The following PRKN variants were observed in gnomAD, a reference collection of about 807,000 sequenced individuals.
PRKN encodes parkin RBR E3 ubiquitin protein ligase, also known as E3 ubiquitin-protein ligase parkin.
In PRKN, 56 loss-of-function variants were observed where a neutral mutation model predicts 59.5. The ratio of observed to expected loss-of-function variants is 0.94; its 90% CI spans 0.76 to 1.18. The LOEUF is 1.18. Ranked by LOEUF, PRKN falls within the 50% of genes most tolerant of loss-of-function variation. The pLI is 0.00. For missense variants in PRKN, 657 were observed against 596.4 expected, an observed-to-expected ratio of 1.10 and a Z score of -1.06; for synonymous variants, 250 against 222.1, an observed-to-expected ratio of 1.13 and a Z score of -1.12.
rs373831674 is a variant in PRKN, at chr6:162,310,463, GA to G, written c.172-47699del. 9.1e-4 allele frequency among the ~76,000 whole-genome samples: 138 copies of G among 152,236 alleles called. 1 individual carries two copies. The East Asian group carries it at 0.018, about 20-fold the overall frequency. ...GAGGAAAGCAGGCGGCCTGCAGCAA[GA>G]AAATGGGTCCCTGGAGCCTGCAGGA... is the stretch of plus-strand genomic sequence containing the variant. On this transcript the variant is annotated intron_variant, in intron 2 of 11. Transcript: ENST00000366898.
chr6:161,591,343 G>A (rs1270395711), intron 7 of PRKN, among the ~76,000 whole-genome samples: 1 of 152,160 alleles, frequency 6.6e-6, no homozygotes, highest in Non-Finnish European at 1.5e-5. Flanking sequence ...AGTATCACTA[G>A]GGGAGGCATC....
chr6:162,249,661 T>TA (rs1030786412), intron 3 of PRKN, among the ~76,000 whole-genome samples: 28 of 150,882 alleles, frequency 1.9e-4, no homozygotes, highest in Non-Finnish European at 2.7e-4. Context: ...TAAGATTCCT[T>TA]AAAAAAAAAT....
intron 6 of PRKN, among the ~76,000 whole-genome samples, chr6:161,807,991 A>C (rs1226816957): frequency 6.6e-6 from 1 of 152,182 alleles, no homozygotes; most frequent in Non-Finnish European, 1.5e-5. Context: ...GTGATATGTC[A>C]TTTACATTTT....
chr6:162,657,664 G>T (rs1437054808), intron 1 of PRKN, among the ~76,000 whole-genome samples: 1 of 152,152 alleles, frequency 6.6e-6, no homozygotes, highest in Non-Finnish European at 1.5e-5. Flanking sequence ...ATGGCTGAAA[G>T]AAAACACCTG....
intron 2 of PRKN, among the ~76,000 whole-genome samples, chr6:162,412,632 C>T (rs1040084863): frequency 2.0e-5 from 3 of 152,082 alleles, no homozygotes; most frequent in Non-Finnish European, 4.4e-5. Context: ...CAAATATGTA[C>T]AATGACACAT....
At chr6:161,952,262 G>A (rs773787881) in intron 6 of PRKN, among the ~76,000 whole-genome samples, 23 of 152,106 alleles carry the variant, frequency 1.5e-4, no homozygotes, top group Non-Finnish European at 2.2e-4. Context: ...GCCAAAAAAT[G>A]TTGTGAAAAA....
intron 5 of PRKN, among the ~76,000 whole-genome samples, chr6:161,996,766 C>A (rs1055131580): frequency 1.3e-5 from 2 of 152,142 alleles, no homozygotes; most frequent in South Asian, 4.2e-4. Flanking sequence ...GAAAAACAGC[C>A]TACCCCCAAA....
At chr6:161,990,647 C>T (rs1456402231) in intron 5 of PRKN, among the ~76,000 whole-genome samples, 2 of 151,856 alleles carry the variant, frequency 1.3e-5, no homozygotes, top group African/African-American at 4.8e-5. Context: ...AAGATGAGAT[C>T]AGGGAGAGGA....
intron 4 of PRKN, among the ~76,000 whole-genome samples, chr6:162,092,899 G>A (rs1042510277): frequency 2.6e-5 from 4 of 152,166 alleles, no homozygotes; most frequent in African/African-American, 7.2e-5. Context: ...GCATCATCCA[G>A]GGCTGGATTT....
chr6:161,753,787 G>A (rs1788795885), intron 7 of PRKN, among the ~76,000 whole-genome samples: 1 of 152,194 alleles, frequency 6.6e-6, no homozygotes, highest in Admixed American at 6.5e-5. Flanking sequence ...AAATGGCAAG[G>A]AGGTTGAGAC....
chr6:161,787,526 T>C (rs554108808), intron 6 of PRKN, among the ~76,000 whole-genome samples: 13 of 152,346 alleles, frequency 8.5e-5, no homozygotes, highest in African/African-American at 3.1e-4. Flanking sequence ...ATGTGAAAAA[T>C]ATTCTCCATC....
intron 7 of PRKN, among the ~76,000 whole-genome samples, chr6:161,571,833 C>CAACTGAGGG (rs1159182475): frequency 2.0e-5 from 3 of 152,124 alleles, no homozygotes; most frequent in Non-Finnish European, 4.4e-5. Flanking sequence ...ATCGTCCCAT[C>CAACTGAGGG]CACTGAGGGC....
intron 6 of PRKN, among the ~76,000 whole-genome samples, chr6:161,872,028 A>G (rs1307165656): frequency 6.6e-6 from 1 of 152,180 alleles, no homozygotes; most frequent in Non-Finnish European, 1.5e-5. Context: ...GTGACTCTTC[A>G]CTGAGCAGCG....
intron 2 of PRKN, among the ~76,000 whole-genome samples, chr6:162,331,819 G>A (rs1362311881): frequency 6.6e-6 from 1 of 152,264 alleles, no homozygotes; most frequent in East Asian, 1.9e-4. Flanking sequence ...GACCTCCGTA[G>A]CGGTGGGGTT....
At chr6:161,601,026 G>A (rs1782086536) in intron 7 of PRKN, among the ~76,000 whole-genome samples, 1 of 152,138 alleles carries the variant, frequency 6.6e-6, no homozygotes, top group East Asian at 1.9e-4. Context: ...AAATTCCTAA[G>A]TGTCAGCTTA....
intron 2 of PRKN, among the ~76,000 whole-genome samples, chr6:162,285,266 A>ATTTTTTTT (rs11392809): frequency 1.0e-5 from 1 of 95,924 alleles, no homozygotes; most frequent in African/African-American, 4.0e-5. Context: ...TATTTTGGAG[A>ATTTTTTTT]TTTTTTTTTT....
chr6:161,868,765 C>G (rs1473580798), intron 6 of PRKN, among the ~76,000 whole-genome samples: 1 of 152,046 alleles, frequency 6.6e-6, no homozygotes, highest in Non-Finnish European at 1.5e-5. Context: ...AATTATACAT[C>G]AGATAAGTCC....
intron 7 of PRKN, 74 bp downstream of exon 7, chr6:161,785,698 C>G: frequency 1.4e-6 from 2 of 1,437,448 alleles, no homozygotes; most frequent in Non-Finnish European, 1.9e-6. Context: ...TATATCTAAG[C>G]CAGTTTTACA....
chr6:161,842,971 G>A (rs1393461573), intron 6 of PRKN, among the ~76,000 whole-genome samples: 1 of 152,146 alleles, frequency 6.6e-6, no homozygotes, highest in Non-Finnish European at 1.5e-5. Flanking sequence ...TTCCTCTGCT[G>A]AAACGAACTT....
Sources: allele counts gnomAD v4.1 joint callset (sites outside exome capture counted in the v4.1 genomes callset), GRCh38; gene constraint gnomAD v4.1.1; transcripts MANE v1.5; gene names NCBI Gene and HGNC (gene_info 2026-07-23, HGNC 2026-07-21).